HABP2: variants seen among roughly 807,000 people sequenced by gnomAD.
HABP2 encodes the protein hyaluronan binding protein 2.
A neutral mutation model predicts 66.5 loss-of-function variants in HABP2; 65 were observed. That is an observed-to-expected ratio of 0.98 (90% confidence interval 0.80 to 1.20). The LOEUF (loss-of-function observed/expected upper bound fraction) is 1.20. Among genes scored for constraint, HABP2 ranks in the 50% most tolerant of loss-of-function variants. The probability of loss-of-function intolerance (pLI) is 0.00; values close to 1 mark genes in which losing one functional copy is unlikely to be tolerated. For missense variants in HABP2, 786 were observed against 691.0 expected (o/e 1.14, Z -1.54); for synonymous variants, 263 against 253.9 (o/e 1.04, Z -0.34).
At chr10:113,576,852 G>T (rs1845420361) in intron 4 of HABP2, among the ~76,000 whole-genome samples, 1 of 152,180 alleles carries the variant, frequency 6.6e-6, no homozygotes, top group African/African-American at 2.4e-5. Context: ...TCTGAAGTTA[G>T]CTAGAAAATG....
chr10:113,553,185 T>C lies in HABP2; in HGVS notation c.64T>C (p.Cys22Arg). The change falls in exon 1 of 13, where the codon TGT (cysteine) becomes CGT (arginine). Residue 22 changes from cysteine to arginine, a missense_variant. Coordinates refer to ENST00000351270, the MANE Select transcript of HABP2 (RefSeq NM_004132.5). ...LLMALVGKTA[C>R]GFSLMSLLES... ...AATGGCTCTGGTGGGAAAGACAGCC[T>C]GTGGGGTAAGTGTTCTTTTCTAATA... 6.2e-7 allele frequency: 1 copy of C among 1,608,092 alleles called. No homozygotes were observed. The highest frequency in any genetic ancestry group is 8.5e-7 in the Non-Finnish European group (1 of 1,174,464).
At chr10:113,572,972 G>T (rs1845341476) in intron 2 of HABP2, among the ~76,000 whole-genome samples, 1 of 152,232 alleles carries the variant, frequency 6.6e-6, no homozygotes, top group Admixed American at 6.5e-5. Flanking sequence ...CTAACAGAAT[G>T]ACTGAGAGAC....
intron 5 of HABP2, 123 bp downstream of exon 5, chr10:113,577,389 C>T: frequency 1.5e-6 from 1 of 682,428 alleles, no homozygotes; most frequent in South Asian, 1.7e-5. Context: ...TGGTCCTTTT[C>T]CCTAGGCTTT....
intron 2 of HABP2, chr10:113,572,732 G>C (rs1490310420): frequency 2.6e-5 from 12 of 453,270 alleles, no homozygotes; most frequent in Non-Finnish European, 2.7e-5. Flanking sequence ...CCCTAAAAAG[G>C]TGGCCTCCCC....
intron 9 of HABP2, 36 bp downstream of exon 9, chr10:113,582,167 G>T (rs1373874798): frequency 6.3e-7 from 1 of 1,576,836 alleles, no homozygotes; most frequent in Non-Finnish European, 8.5e-7. Flanking sequence ...AGGGTGGCTT[G>T]AGTGGCTGGG....
At position 113,572,593 on chromosome 10, in the gene HABP2, A is replaced by C. The variant is rs564813909; in HGVS notation, c.107-1696A>C. 263 of 402,192 alleles carry C rather than the reference A, an allele frequency of 6.5e-4. 4 individuals are homozygous for C. The highest frequency in any genetic ancestry group is 4.7e-3 in the South Asian group (254 of 54,068). 24.9% of individuals were successfully genotyped at this position (402,192 alleles called of 1,614,324 possible). A position where few individuals can be genotyped will look rare whatever the true frequency, so the allele number is the denominator to read the frequency against. On this transcript the variant is annotated intron_variant, in intron 2 of 12. Coordinates refer to ENST00000351270, the MANE Select transcript of HABP2 (RefSeq NM_004132.5). ...CCTAAATGTCAGTTTGAAATCTTTCATGTCAAACTCAGAAAAACATTTTTT... is the reference window on the plus strand; with the variant it reads ...CCTAAATGTCAGTTTGAAATCTTTCCTGTCAAACTCAGAAAAACATTTTTT...
chr10:113,574,214 G>A (rs1845365376), intron 2 of HABP2, 75 bp from the exon 3 acceptor site: 1 of 768,810 alleles, frequency 1.3e-6, no homozygotes, highest in South Asian at 1.5e-5. Context: ...GGGAAAAGGT[G>A]TCCAACTAAA....
chr10:113,587,971 TC>T (rs1226700224), intron 12 of HABP2, among the ~76,000 whole-genome samples: 1 of 151,976 alleles, frequency 6.6e-6, no homozygotes, highest in Non-Finnish European at 1.5e-5. Flanking sequence ...GCTGTGCGGC[TC>T]CTCTGTTAAG....
rs1845593170 is a variant in HABP2 at position 113,584,186 on chromosome 10, C to G, written c.1276C>G (p.Leu426Val). Residue 426 changes from leucine to valine, a missense_variant, in exon 11 of 13, where the codon CTA (leucine) becomes GTA (valine). By Grantham distance (32) the Leu-to-Val change is conservative (BLOSUM62 1). Coordinates refer to ENST00000351270, the MANE Select transcript of HABP2 (RefSeq NM_004132.5). The part of the protein sequence containing the change: ...KLKPVDGHCA[L>V]ESKYVKTVCL... ...AAAGCCAGTGGATGGTCACTGTGCT[C>G]TAGAATCCAAATACGTGAAGACTGT... is the stretch of plus-strand genomic sequence containing the variant. 6.2e-7 allele frequency: 1 copy of G among 1,613,688 alleles called. No individual in the cohort carries two copies. Among genetic ancestry groups the G allele is most frequent in the East Asian group, 2.2e-5 (1 of 44,882 alleles).
chr10:113,573,642 C>T (rs1356574295), intron 2 of HABP2, among the ~76,000 whole-genome samples: 1 of 152,166 alleles, frequency 6.6e-6, no homozygotes, highest in African/African-American at 2.4e-5. Flanking sequence ...AACAATACAC[C>T]TCCTAGATTT....
At position 113,578,881 on chromosome 10, in the gene HABP2, A is replaced by G; in HGVS notation, c.740+83A>G. ...ATTGAAATTCATCAGCCTCCTTTCTAGGAAGATTTTCTTACTCAGCAAGGC... is the reference window on the plus strand; with the variant it reads ...ATTGAAATTCATCAGCCTCCTTTCTGGGAAGATTTTCTTACTCAGCAAGGC... On this transcript the variant is annotated intron_variant, in intron 7 of 12. Coordinates refer to ENST00000351270, the MANE Select transcript of HABP2 (RefSeq NM_004132.5). The G allele has an allele frequency of 3.1e-6, 3 of 953,704 alleles. No individual in the cohort carries two copies. In the South Asian group the frequency reaches 4.4e-5, roughly 14 times the overall value. The allele number at this position is 953,704 out of a possible 1,614,324, so 59.1% of individuals were successfully genotyped here. A position where few individuals can be genotyped will look rare whatever the true frequency, so the allele number is the denominator to read the frequency against.
chr10:113,579,149 A>C (rs1845472905), intron 7 of HABP2, among the ~76,000 whole-genome samples: 1 of 151,864 alleles, frequency 6.6e-6, no homozygotes, highest in South Asian at 2.1e-4. Context: ...GCCCCAGCTA[A>C]TCAGGAGGCT....
upstream of HABP2, among the ~76,000 whole-genome samples, chr10:113,552,570 T>G (rs1042052372): frequency 1.3e-5 from 2 of 152,232 alleles, no homozygotes; most frequent in African/African-American, 4.8e-5. Context: ...TGGGCAACAC[T>G]TCAAAGGGCC....
intron 1 of HABP2, among the ~76,000 whole-genome samples, chr10:113,559,448 G>A (rs1845060485): frequency 6.6e-6 from 1 of 152,162 alleles, no homozygotes; most frequent in Non-Finnish European, 1.5e-5. Context: ...CTGAGGCACA[G>A]AGAGACTCAA....
At chr10:113,565,301 G>C (rs1845178119) in intron 1 of HABP2, among the ~76,000 whole-genome samples, 1 of 152,178 alleles carries the variant, frequency 6.6e-6, no homozygotes, top group African/African-American at 2.4e-5. Context: ...TGCTACAAAG[G>C]AATACCTGAG....
intron 2 of HABP2, 69 bp from the exon 3 acceptor site, chr10:113,574,220 C>G (rs1409451527): frequency 1.2e-6 from 1 of 803,632 alleles, no homozygotes; most frequent in Admixed American, 1.9e-5. Flanking sequence ...AGGTGTCCAA[C>G]TAAATAAAAT....
At chr10:113,567,704 A>G (rs1845226017) in intron 2 of HABP2, among the ~76,000 whole-genome samples, 179 bp downstream of exon 2, 1 of 152,184 alleles carries the variant, frequency 6.6e-6, no homozygotes, top group Non-Finnish European at 1.5e-5. Context: ...GCTTTACACA[A>G]TTTTGAGTTT....
intron 1 of HABP2, among the ~76,000 whole-genome samples, chr10:113,557,777 A>G (rs540169277): frequency 6.6e-6 from 1 of 152,378 alleles, no homozygotes; most frequent in South Asian, 2.1e-4. Flanking sequence ...TAATAGTAGC[A>G]GCAACCACGT....
chr10:113,577,833 A>G (rs1005309771), intron 5 of HABP2, among the ~76,000 whole-genome samples, 193 bp from the exon 6 acceptor site: 4 of 152,210 alleles, frequency 2.6e-5, no homozygotes, highest in African/African-American at 7.2e-5. Flanking sequence ...TGCTTCATCC[A>G]CATTTGCTTA....
Sources: gnomAD v4.1 joint callset for allele counts (sites outside exome capture counted in the v4.1 genomes callset) on GRCh38, gnomAD v4.1.1 for gene constraint, MANE v1.5 for transcripts, NCBI Gene and HGNC (gene_info 2026-07-23, HGNC 2026-07-21) for gene names.